The following PCDHGA6 variants were observed in gnomAD, a reference collection of about 807,000 sequenced individuals.
The protein encoded by PCDHGA6 is protocadherin gamma subfamily A, 6.
A neutral mutation model predicts 60.6 loss-of-function variants in PCDHGA6; 41 were observed. That is an observed-to-expected ratio of 0.68 (90% confidence interval 0.53 to 0.88). PCDHGA6 has a LOEUF of 0.88. Ranked by LOEUF, PCDHGA6 falls within the 40% of genes least tolerant of loss-of-function variation. PCDHGA6 has a pLI of 0.00. For synonymous variants in PCDHGA6, 594 were observed against 524.4 expected (o/e 1.13, Z -1.81); for missense variants, 1,312 against 1,203.0 (o/e 1.09, Z -1.34).
chr5:141,400,099 T>G (rs574278907), intron 1 of PCDHGA6: 1 of 1,614,072 alleles, frequency 6.2e-7, no homozygotes, highest in African/African-American at 1.3e-5. Flanking sequence ...CACGCTGCAC[T>G]TGGTCTTTGC....
chr5:141,474,260 A>G (rs1459875243), intron 1 of PCDHGA6, among the ~76,000 whole-genome samples: 1 of 152,170 alleles, frequency 6.6e-6, no homozygotes, highest in Non-Finnish European at 1.5e-5. Flanking sequence ...AGACTGATAA[A>G]CCAGTGTATC....
At chr5:141,385,585 C>G (rs1051281848) in intron 1 of PCDHGA6, 41 of 1,267,842 alleles carry the variant, frequency 3.2e-5, no homozygotes, top group Admixed American at 1.9e-4. Context: ...AATCTATGTT[C>G]CAACCTACTT....
chr5:141,375,670 G>A lies in PCDHGA6; in HGVS notation c.1587G>A (p.Gln529=), dbSNP rs1186753190. The change falls in exon 1 of 4, where the codon CAG becomes CAA. Residue 529 remains glutamine (Q), a synonymous_variant. Coordinates refer to ENST00000517434, the MANE Select transcript of PCDHGA6 (RefSeq NM_018919.3). The part of the protein sequence containing the change: ...SFDYEQLRDL[Q]LWVTASDSGD... ...ACTATGAGCAGTTGAGAGACCTACA[G>A]CTGTGGGTGACAGCCAGCGACAGCG... 5 of 1,614,248 alleles carry A rather than the reference G, an allele frequency of 3.1e-6. No homozygotes were observed. The highest frequency in any genetic ancestry group is 4.2e-6 in the Non-Finnish European group (5 of 1,180,046).
chr5:141,421,163 G>C, intron 1 of PCDHGA6: 2 of 1,276,926 alleles, frequency 1.6e-6, no homozygotes, highest in Non-Finnish European at 2.1e-6. Flanking sequence ...GGACTTCATA[G>C]ATACATAAGC....
intron 1 of PCDHGA6, chr5:141,383,307 A>G (rs1207101754): frequency 3.1e-6 from 5 of 1,613,874 alleles, no homozygotes; most frequent in Non-Finnish European, 4.2e-6. Flanking sequence ...TCTTGACGGA[A>G]GAAATAAATG....
chr5:141,429,851 TC>T (rs1447325775), intron 1 of PCDHGA6, among the ~76,000 whole-genome samples: 2 of 152,224 alleles, frequency 1.3e-5, no homozygotes, highest in African/African-American at 4.8e-5. Context: ...TCTGTAACAT[TC>T]TTTGGACTAC....
chr5:141,415,529 G>C, intron 1 of PCDHGA6: 1 of 1,614,184 alleles, frequency 6.2e-7, no homozygotes, highest in South Asian at 1.1e-5. Context: ...ACGCTCATCA[G>C]CCAGGAGAGC....
intron 1 of PCDHGA6, chr5:141,399,842 A>T (rs749737928): frequency 6.2e-7 from 1 of 1,612,970 alleles, no homozygotes; most frequent in South Asian, 1.1e-5. Context: ...GCGCTCTTCG[A>T]TATGGTGCCG....
At position 141,431,438 on chromosome 5, in the gene PCDHGA6, C is replaced by G. The variant is rs773812765; in HGVS notation, c.2424+54931C>G. The G allele has an allele frequency of 3.9e-5, 63 of 1,613,612 alleles. No homozygotes were observed. In the East Asian group the frequency reaches 1.4e-3, roughly 35 times the overall value. ...CGACCCGGTGCGCACAGGCACCGCG[C>G]GCATCCGCGTGATGGTTCTGGATGC... is the stretch of plus-strand genomic sequence containing the variant. On this transcript the variant is annotated intron_variant, in intron 1 of 3. Coordinates refer to ENST00000517434, the MANE Select transcript of PCDHGA6 (RefSeq NM_018919.3). The surrounding 1 kb of genome is among the most constrained non-coding windows in gnomAD (Gnocchi z 4.8).
At chr5:141,411,302 G>T (rs1165336405) in intron 1 of PCDHGA6, 1 of 152,134 alleles carries the variant, frequency 6.6e-6, no homozygotes, top group Admixed American at 6.6e-5. Context: ...AGGCCCAGTG[G>T]CTCACACCTA....
rs1052219950 is a variant in PCDHGA6, at chr5:141,476,865, G to A, written c.2425-17942G>A. The A allele has an allele frequency of 1.2e-6, 2 of 1,613,752 alleles. No individual in the cohort carries two copies. Among genetic ancestry groups the A allele is most frequent in the African/African-American group, 1.3e-5 (1 of 74,958 alleles). On this transcript the variant is annotated intron_variant, in intron 1 of 3. Coordinates refer to ENST00000517434, the MANE Select transcript of PCDHGA6 (RefSeq NM_018919.3). This position sits in a 1 kb window ranked among gnomAD's most constrained non-coding sequence, Gnocchi z 7.6. ...CCTGTCTTCAACCAGTCCTTGTACC[G>A]GGCGCGCGTCCTGGAGGATGCACCC...
At chr5:141,413,220 C>A in intron 1 of PCDHGA6, 1 of 1,613,330 alleles carries the variant, frequency 6.2e-7, no homozygotes, top group South Asian at 1.1e-5. Flanking sequence ...AGGATTGCAG[C>A]GGGCTGGTCC....
intron 1 of PCDHGA6, chr5:141,384,572 A>G: frequency 6.2e-7 from 1 of 1,613,908 alleles, no homozygotes; most frequent in Non-Finnish European, 8.5e-7. Context: ...CAGAATGACA[A>G]CCCGCCCGAG....
chr5:141,482,492 T>C (rs1167963137), intron 1 of PCDHGA6, among the ~76,000 whole-genome samples: 1 of 144,468 alleles, frequency 6.9e-6, no homozygotes, highest in Non-Finnish European at 1.5e-5. Flanking sequence ...TTAAAAGTTA[T>C]CATTCTGGTA....
chr5:141,402,829 T>G (rs921784924), intron 1 of PCDHGA6: 4 of 1,341,920 alleles, frequency 3.0e-6, no homozygotes, highest in Admixed American at 5.9e-5. Context: ...GCTCCCAGGC[T>G]GCAGCAAAAC....
chr5:141,482,622 A>G (rs1197606374), intron 1 of PCDHGA6, among the ~76,000 whole-genome samples: 1 of 151,936 alleles, frequency 6.6e-6, no homozygotes, highest in Non-Finnish European at 1.5e-5. Context: ...AGCCTGGAGA[A>G]AGGAAGAAAT....
At chr5:141,385,281 C>G (rs761366864) in intron 1 of PCDHGA6, 15 of 1,613,230 alleles carry the variant, frequency 9.3e-6, no homozygotes, top group Admixed American at 3.3e-5. Flanking sequence ...TGCTAACATC[C>G]GTAGATTTTC....
chr5:141,465,966 C>CA (rs2099113454), intron 1 of PCDHGA6, among the ~76,000 whole-genome samples: 1 of 151,802 alleles, frequency 6.6e-6, no homozygotes, highest in Non-Finnish European at 1.5e-5. Flanking sequence ...ACTAAAAATA[C>CA]AAAAAATTAG....
chr5:141,399,431 T>C (rs757950073), intron 1 of PCDHGA6: 1 of 1,613,970 alleles, frequency 6.2e-7, no homozygotes, highest in Non-Finnish European at 8.5e-7. Flanking sequence ...ATAAGCGTCA[T>C]CCTACATATC....
Sources: allele counts gnomAD v4.1 joint callset (sites outside exome capture counted in the v4.1 genomes callset), GRCh38; gene constraint gnomAD v4.1.1; non-coding constraint Gnocchi (gnomAD v3.1); transcripts MANE v1.5; gene names NCBI Gene and HGNC (gene_info 2026-07-23, HGNC 2026-07-21).